NME7: variants seen among roughly 807,000 people sequenced by gnomAD.
NME7 encodes NME/NM23 family member 7.
Under a neutral mutation model 49.1 loss-of-function variants are expected in NME7, and 41 were observed. That is an observed-to-expected ratio of 0.83 (90% confidence interval 0.65 to 1.08). The LOEUF (loss-of-function observed/expected upper bound fraction) is 1.08, where lower values mean the gene tolerates loss of function less well. Among genes scored for constraint, NME7 ranks in the 50% least tolerant of loss-of-function variants. The probability of loss-of-function intolerance (pLI) is 0.00; values close to 1 mark genes in which losing one functional copy is unlikely to be tolerated. For synonymous variants in NME7, 139 were observed against 150.6 expected (o/e 0.92, Z 0.56); for missense variants, 423 against 463.4 (o/e 0.91, Z 0.80).
At chr1:169,218,912 G>T (rs2101803494) in intron 10 of NME7, among the ~76,000 whole-genome samples, 1 of 152,186 alleles carries the variant, frequency 6.6e-6, no homozygotes, top group South Asian at 2.1e-4. Context: ...TAAGATAAAT[G>T]CCCTGGATCT....
chr1:169,179,226 A>G (rs190546322), intron 10 of NME7, among the ~76,000 whole-genome samples: 1 of 152,380 alleles, frequency 6.6e-6, no homozygotes, highest in Non-Finnish European at 1.5e-5. Flanking sequence ...ATCACTGATC[A>G]TTAGAGAAAT....
chr1:169,351,676 T>C (rs149625050), intron 1 of NME7, among the ~76,000 whole-genome samples: 187 of 151,498 alleles, frequency 1.2e-3, no homozygotes, highest in African/African-American at 4.2e-3. Flanking sequence ...TTGATAATCC[T>C]TTAGTCAGAG....
intron 7 of NME7, among the ~76,000 whole-genome samples, chr1:169,275,880 G>C (rs565961969): frequency 0.015 from 2,030 of 133,558 alleles, 277 homozygotes; most frequent in African/African-American, 0.048. Flanking sequence ...AATTTATTGA[G>C]AGTTTTTAGC....
intron 5 of NME7, 63 bp from the exon 6 acceptor site, chr1:169,298,826 G>A (rs527601682): frequency 8.0e-5 from 101 of 1,265,446 alleles, no homozygotes; most frequent in Middle Eastern, 4.3e-4. Context: ...TTGTCTTAAC[G>A]ACAGGATATA....
intron 10 of NME7, among the ~76,000 whole-genome samples, chr1:169,196,847 T>C (rs1357551738): frequency 6.6e-6 from 1 of 152,158 alleles, no homozygotes; most frequent in African/African-American, 2.4e-5. Flanking sequence ...TAGAATGGTA[T>C]GAAAACTGGA....
chr1:169,159,722 G>A (rs1659188225), intron 11 of NME7, among the ~76,000 whole-genome samples: 1 of 152,144 alleles, frequency 6.6e-6, no homozygotes, highest in Non-Finnish European at 1.5e-5. Flanking sequence ...AGAATCTCTG[G>A]CCAGGAGGGT....
intron 11 of NME7, among the ~76,000 whole-genome samples, chr1:169,133,154 T>G (rs1658301784): frequency 6.6e-6 from 1 of 152,248 alleles, no homozygotes. Context: ...TTCAGTAAAT[T>G]AAGGTTCATA....
At chr1:169,151,837 C>T (rs1658924497) in intron 11 of NME7, among the ~76,000 whole-genome samples, 1 of 152,166 alleles carries the variant, frequency 6.6e-6, no homozygotes, top group Non-Finnish European at 1.5e-5. Flanking sequence ...TCTGCCTCCT[C>T]CCTCGGGTTC....
intron 1 of NME7, among the ~76,000 whole-genome samples, chr1:169,354,174 A>G (rs1206225493): frequency 6.6e-6 from 1 of 152,182 alleles, no homozygotes; most frequent in Non-Finnish European, 1.5e-5. Context: ...ATGGAAAAGG[A>G]AAATATGGTA....
At chr1:169,357,661 A>G (rs949851641) in intron 1 of NME7, among the ~76,000 whole-genome samples, 1 of 152,104 alleles carries the variant, frequency 6.6e-6, no homozygotes, top group Non-Finnish European at 1.5e-5. Flanking sequence ...CCAATAAGGT[A>G]CCTAAAAGGC....
intron 7 of NME7, among the ~76,000 whole-genome samples, chr1:169,254,995 A>T (rs1352262204): frequency 7.4e-6 from 1 of 134,344 alleles, no homozygotes; most frequent in Non-Finnish European, 1.7e-5. Context: ...TATGCGGTCA[A>T]TTTTGGAATA....
In NME7 at chr1:169,155,939, G is replaced by A. The variant is rs1366913886; in HGVS notation, c.1098+13508C>T. Among the ~76,000 whole-genome samples the A allele has an allele frequency of 3.3e-5, 5 of 151,614 alleles. No homozygotes were observed. The East Asian group carries it at 9.7e-4, about 29-fold the overall frequency. ...AACCAATAGCATCAGCACTAACTGGGAACTTGTTAGAATGCAAATTCTCAG... is the reference window on the plus strand; with the variant it reads ...AACCAATAGCATCAGCACTAACTGGAAACTTGTTAGAATGCAAATTCTCAG... On this transcript the variant is annotated intron_variant, in intron 11 of 11. Coordinates refer to ENST00000367811, the MANE Select transcript of NME7 (RefSeq NM_013330.5).
chr1:169,346,561 C>T (rs1413977900), intron 1 of NME7, among the ~76,000 whole-genome samples: 1 of 152,196 alleles, frequency 6.6e-6, no homozygotes, highest in East Asian at 1.9e-4. Context: ...CATTCAACAC[C>T]ACTATCAGTA....
chr1:169,221,615 A>G (rs1289353096), intron 10 of NME7, among the ~76,000 whole-genome samples: 1 of 152,122 alleles, frequency 6.6e-6, no homozygotes, highest in Admixed American at 6.5e-5. Flanking sequence ...AAATATATGG[A>G]AATATATTTG....
At chr1:169,235,811 CT>C (rs1458069387) in intron 8 of NME7, among the ~76,000 whole-genome samples, 4 of 152,050 alleles carry the variant, frequency 2.6e-5, no homozygotes, top group Non-Finnish European at 5.9e-5. Context: ...TCCTGCTACT[CT>C]TCAAAAAGAA....
chr1:169,168,081 G>A (rs947559331), intron 11 of NME7, among the ~76,000 whole-genome samples: 9 of 152,178 alleles, frequency 5.9e-5, no homozygotes, highest in East Asian at 1.9e-4. Flanking sequence ...GGTGACGAGC[G>A]GCTTCTCAAT....
chr1:169,220,463 A>T (rs1661109133), intron 10 of NME7, among the ~76,000 whole-genome samples: 1 of 152,108 alleles, frequency 6.6e-6, no homozygotes, highest in East Asian at 1.9e-4. Flanking sequence ...GTCCTGGCCA[A>T]ATTGGGAACG....
At position 169,257,028 on chromosome 1, in the gene NME7, C is replaced by A. The variant is rs1407555034; in HGVS notation, c.755-19341G>T. Among the ~76,000 whole-genome samples the A allele has an allele frequency of 1.5e-5, 2 of 132,280 alleles. 1 individual carries two copies. Among genetic ancestry groups the A allele is most frequent in the African/African-American group, 5.1e-5 (2 of 39,278 alleles). 86.8% of individuals were successfully genotyped at this position (132,280 alleles called of 152,430 possible). ...ACTGCTGTCTTTTTGTTTGTCTGTG[C>A]CCTGCCCCCAGAGGTGGAGCCTACA... On this transcript the variant is annotated intron_variant, in intron 7 of 11. Transcript: ENST00000367811.
intron 7 of NME7, among the ~76,000 whole-genome samples, chr1:169,252,650 G>T (rs975078787): frequency 6.6e-6 from 1 of 152,114 alleles, no homozygotes; most frequent in South Asian, 2.1e-4. Flanking sequence ...CCTATGTCCT[G>T]AATGGTAATC....
Sources: allele counts gnomAD v4.1 joint callset (sites outside exome capture counted in the v4.1 genomes callset), GRCh38; gene constraint gnomAD v4.1.1; transcripts MANE v1.5; gene names NCBI Gene and HGNC (gene_info 2026-07-23, HGNC 2026-07-21).